The following HCN1 variants were observed in gnomAD, a reference collection of about 807,000 sequenced individuals.
HCN1 encodes the protein hyperpolarization activated cyclic nucleotide gated potassium channel 1.
HCN1 carries 13 observed loss-of-function variants against 78.9 expected under a neutral mutation model. The observed-to-expected ratio is 0.16, with a 90% CI of 0.11 to 0.26. The LOEUF (loss-of-function observed/expected upper bound fraction) is 0.26, where lower values mean the gene tolerates loss of function less well. Ranked by LOEUF, HCN1 falls within the 10% of genes least tolerant of loss-of-function variation. HCN1 has a pLI of 1.00. For missense variants in HCN1, 810 were observed against 1,154.3 expected (o/e 0.70, Z 4.32); for synonymous variants, 552 against 455.5 (o/e 1.21, Z -2.70).
intron 1 of HCN1, among the ~76,000 whole-genome samples, chr5:45,688,208 T>C (rs1468772938): frequency 1.3e-5 from 2 of 152,186 alleles, no homozygotes; most frequent in Non-Finnish European, 2.9e-5. Context: ...GGAGGAAGTA[T>C]AAATGATTAG....
chr5:45,474,738 A>T (rs1009783392), intron 2 of HCN1, among the ~76,000 whole-genome samples: 1 of 151,814 alleles, frequency 6.6e-6, no homozygotes, highest in Non-Finnish European at 1.5e-5. Flanking sequence ...GGTATAATTC[A>T]CTCCTCCAAC....
rs1744643797 is a variant in HCN1, at chr5:45,257,579, C to T, written c.*4342G>A. ...AAAAACCTTAAAATCTCCATTTGTC[C>T]CTGTCAAAGCCTGAATTGGAAGCAG... On this transcript the variant is annotated 3_prime_UTR_variant, in exon 8 of 8. Transcript: ENST00000303230. 6.6e-6 allele frequency: 1 copy of T among 152,040 alleles called. No individual in the cohort carries two copies. Among genetic ancestry groups the T allele is most frequent in the Non-Finnish European group, 1.5e-5 (1 of 68,010 alleles). The allele number at this position is 152,040 out of a possible 1,614,324, so 9.4% of individuals were successfully genotyped here.
chr5:45,538,399 A>G (rs1743013044), intron 2 of HCN1, among the ~76,000 whole-genome samples: 1 of 152,154 alleles, frequency 6.6e-6, no homozygotes, highest in South Asian at 2.1e-4. Context: ...ATAGAAAGTA[A>G]TATCTAAGAT....
chr5:45,368,035 A>G (rs1747270583), intron 4 of HCN1, among the ~76,000 whole-genome samples: 1 of 152,006 alleles, frequency 6.6e-6, no homozygotes, highest in African/African-American at 2.4e-5. Context: ...AGAAGAGAGC[A>G]AAACAAAGGA....
chr5:45,473,942 C>T (rs1348297150), intron 2 of HCN1, among the ~76,000 whole-genome samples: 1 of 151,834 alleles, frequency 6.6e-6, no homozygotes, highest in African/African-American at 2.4e-5. Context: ...CCTCTAGGCA[C>T]ATTAATTTAT....
chr5:45,352,042 C>G (rs1029727738), intron 5 of HCN1, among the ~76,000 whole-genome samples: 1 of 152,094 alleles, frequency 6.6e-6, no homozygotes, highest in African/African-American at 2.4e-5. Flanking sequence ...ACCCAAAGGA[C>G]TATAAATCAT....
intron 1 of HCN1, among the ~76,000 whole-genome samples, chr5:45,646,729 T>G (rs1440859364): frequency 1.3e-5 from 2 of 152,154 alleles, no homozygotes; most frequent in Non-Finnish European, 2.9e-5. Flanking sequence ...ATAAGGGTTC[T>G]TTCAGTCTGT....
intron 4 of HCN1, among the ~76,000 whole-genome samples, chr5:45,371,442 A>T (rs939561125): frequency 2.6e-4 from 39 of 151,876 alleles, no homozygotes; most frequent in African/African-American, 9.4e-4. Context: ...GACAAAGGGG[A>T]TATTACCACT....
At chr5:45,434,731 C>T (rs947037859) in intron 3 of HCN1, among the ~76,000 whole-genome samples, 7 of 151,974 alleles carry the variant, frequency 4.6e-5, no homozygotes, top group African/African-American at 1.4e-4. Flanking sequence ...TGACTATATG[C>T]CAGATATGCT....
intron 5 of HCN1, among the ~76,000 whole-genome samples, chr5:45,318,018 G>T (rs150172861): frequency 6.6e-6 from 1 of 152,076 alleles, no homozygotes; most frequent in Non-Finnish European, 1.5e-5. Context: ...GATTCCTCAA[G>T]CATCTAGAAT....
chr5:45,496,336 G>C (rs1327050738), intron 2 of HCN1, among the ~76,000 whole-genome samples: 1 of 151,610 alleles, frequency 6.6e-6, no homozygotes, highest in Non-Finnish European at 1.5e-5. Context: ...TTGGGAGAGT[G>C]TATGTGTCGA....
intron 2 of HCN1, among the ~76,000 whole-genome samples, chr5:45,519,961 T>A (rs1199540045): frequency 6.6e-6 from 1 of 152,044 alleles, no homozygotes; most frequent in African/African-American, 2.4e-5. Flanking sequence ...AACAGTTATC[T>A]GCATTCTTAG....
chr5:45,442,727 C>A (rs1165204033), intron 3 of HCN1, among the ~76,000 whole-genome samples: 2 of 151,982 alleles, frequency 1.3e-5, no homozygotes, highest in African/African-American at 2.4e-5. Context: ...GAGAAGTAGG[C>A]ACATTCCTTG....
intron 3 of HCN1, among the ~76,000 whole-genome samples, chr5:45,404,498 A>T (rs1017392495): frequency 3.4e-5 from 5 of 146,330 alleles, no homozygotes; most frequent in Admixed American, 6.8e-5. Context: ...ACTGAAAATA[A>T]TTTTTTTTTT....
chr5:45,359,469 G>A (rs1747070460), intron 4 of HCN1, among the ~76,000 whole-genome samples: 1 of 150,044 alleles, frequency 6.7e-6, no homozygotes, highest in Non-Finnish European at 1.5e-5. Flanking sequence ...TAATTTTATA[G>A]TGTAGTGCCC....
rs750304269 is a variant in HCN1, at chr5:45,262,644, T to G, written c.1950A>C (p.Thr650=). Residue 650 remains threonine (T), a synonymous_variant, in exon 8 of 8, where the codon ACA becomes ACC. Transcript: ENST00000303230. ...GGGAGGTCGGGGTCGTAGTAGACGA[T>G]GTGGAATTCAGGGTTGTCATTTGAG... ...NYPQMTTLNS[T]SSTTTPTSRM... is the part of the protein sequence containing the mutation. 8 of 1,613,860 alleles carry G rather than the reference T, an allele frequency of 5.0e-6. No homozygotes were observed. The Admixed American group carries it at 8.3e-5, about 17-fold the overall frequency.
At chr5:45,537,694 T>C (rs1468280150) in intron 2 of HCN1, among the ~76,000 whole-genome samples, 1 of 151,758 alleles carries the variant, frequency 6.6e-6, no homozygotes, top group Non-Finnish European at 1.5e-5. Context: ...CCCGCCACCA[T>C]GCCTGGCTAA....
chr5:45,317,718 G>GA (rs976930265), intron 5 of HCN1, among the ~76,000 whole-genome samples: 5 of 151,916 alleles, frequency 3.3e-5, no homozygotes, highest in East Asian at 3.9e-4. Context: ...AAATTTACAA[G>GA]AAAAAAACAA....
intron 4 of HCN1, among the ~76,000 whole-genome samples, chr5:45,358,266 G>A (rs1579838316): frequency 1.3e-5 from 2 of 152,038 alleles, no homozygotes; most frequent in East Asian, 3.9e-4. Flanking sequence ...TAATTGAAGG[G>A]AATAGAAGGC....
Sources: gnomAD v4.1 joint callset for allele counts (sites outside exome capture counted in the v4.1 genomes callset) on GRCh38, gnomAD v4.1.1 for gene constraint, MANE v1.5 for transcripts, NCBI Gene and HGNC (gene_info 2026-07-23, HGNC 2026-07-21) for gene names.